The following DIP2C variants were observed in gnomAD, a reference collection of about 807,000 sequenced individuals.
DIP2C encodes DIP2 acetate--CoA ligase C (putative), also known as disco-interacting protein 2 homolog C.
In DIP2C, 33 loss-of-function variants were observed where a neutral mutation model predicts 192.4. The observed-to-expected ratio is 0.17, with a 90% CI of 0.13 to 0.23. The LOEUF is 0.23. Among genes scored for constraint, DIP2C ranks in the 10% least tolerant of loss-of-function variants. The pLI, the probability that DIP2C is intolerant of heterozygous loss-of-function variation, is 1.00. For synonymous variants in DIP2C, 979 were observed against 864.1 expected (o/e 1.13, Z -2.33); for missense variants, 1,537 against 2,110.1 (o/e 0.73, Z 5.32).
chr10:674,469 T>C (rs1289293297), intron 1 of DIP2C, among the ~76,000 whole-genome samples: 3 of 151,980 alleles, frequency 2.0e-5, no homozygotes, highest in Non-Finnish European at 4.4e-5. Flanking sequence ...AAGCAAATAT[T>C]AGTAGATCTA....
At chr10:586,276 T>C (rs1425022882) in intron 1 of DIP2C, among the ~76,000 whole-genome samples, 1 of 152,234 alleles carries the variant, frequency 6.6e-6, no homozygotes, top group Non-Finnish European at 1.5e-5. Context: ...AGCCTGAATG[T>C]CCTTTCAGGG....
At chr10:530,652 T>TCA (rs1847310596) in intron 1 of DIP2C, among the ~76,000 whole-genome samples, 1 of 54,360 alleles carries the variant, frequency 1.8e-5, no homozygotes. Context: ...ACCCTATCTC[T>TCA]TAAAAAAAAA....
chr10:298,948 G>C (rs1247870185), intron 32 of DIP2C, among the ~76,000 whole-genome samples: 2 of 152,212 alleles, frequency 1.3e-5, no homozygotes, highest in African/African-American at 4.8e-5. Context: ...AGTAAGACTA[G>C]AAAGACTTGA....
intron 1 of DIP2C, among the ~76,000 whole-genome samples, chr10:523,429 GGCTCTGTGTCACCCACAC>G: frequency 3.1e-5 from 4 of 129,408 alleles, no homozygotes; most frequent in Admixed American, 1.5e-4. Context: ...AAGATGCAGG[GGCTCTGTGTCACCCACAC>G]ACTCGTTTCT....
chr10:486,181 A>AT (rs1409049215), intron 2 of DIP2C, among the ~76,000 whole-genome samples: 1 of 152,242 alleles, frequency 6.6e-6, no homozygotes, highest in East Asian at 1.9e-4. Context: ...ATGCACTCAT[A>AT]TTTTTACGAT....
At chr10:677,057 T>C (rs1250311104) in intron 1 of DIP2C, among the ~76,000 whole-genome samples, 2 of 152,190 alleles carry the variant, frequency 1.3e-5, no homozygotes, top group Non-Finnish European at 2.9e-5. Flanking sequence ...CCCATAGATA[T>C]GTACTATAAT....
At chr10:556,132 C>T (rs1194319048) in intron 1 of DIP2C, among the ~76,000 whole-genome samples, 1 of 137,732 alleles carries the variant, frequency 7.3e-6, no homozygotes, top group Non-Finnish European at 1.6e-5. Flanking sequence ...CACCCACCCC[C>T]TTCCACAGCC....
At chr10:411,966 A>AT (rs1295292518) in intron 8 of DIP2C, among the ~76,000 whole-genome samples, 1 of 152,252 alleles carries the variant, frequency 6.6e-6, no homozygotes, top group Non-Finnish European at 1.5e-5. Context: ...AAAATGGATA[A>AT]TTAAAATACA....
At chr10:355,708 A>G (rs1005757333) in intron 24 of DIP2C, among the ~76,000 whole-genome samples, 1 of 152,226 alleles carries the variant, frequency 6.6e-6, no homozygotes, top group African/African-American at 2.4e-5. Flanking sequence ...TAAAGTGTAA[A>G]CAGGAAATTT....
intron 3 of DIP2C, among the ~76,000 whole-genome samples, chr10:459,897 G>A (rs756386024): frequency 6.9e-6 from 1 of 144,382 alleles, no homozygotes; most frequent in Non-Finnish European, 1.5e-5. Flanking sequence ...CTGCACGTGA[G>A]CTCTAGGACC....
chr10:338,275 T>TA (rs1957966872), intron 29 of DIP2C, among the ~76,000 whole-genome samples: 2 of 152,230 alleles, frequency 1.3e-5, no homozygotes, highest in South Asian at 4.1e-4. Context: ...AAACTTGGCG[T>TA]AGCCAAAGTG....
rs368553202 is a variant in DIP2C, at chr10:452,749, C to T, written c.269-11753G>A. Reference sequence around the variant, plus strand: ...CTCCTGCAGAGAAAACACCACACACCGCTACTGAGGAGGTCTCTTATGACA... The same window carrying T: ...CTCCTGCAGAGAAAACACCACACACTGCTACTGAGGAGGTCTCTTATGACA... On this transcript the variant is annotated intron_variant, in intron 3 of 36. Coordinates refer to ENST00000280886, the MANE Select transcript of DIP2C (RefSeq NM_014974.3). 7.2e-5 allele frequency among the ~76,000 whole-genome samples: 11 copies of T among 152,156 alleles called. No homozygotes were observed. In the East Asian group the frequency reaches 9.6e-4, roughly 13 times the overall value.
At chr10:602,999 A>G (rs1008352646) in intron 1 of DIP2C, among the ~76,000 whole-genome samples, 4 of 152,120 alleles carry the variant, frequency 2.6e-5, no homozygotes, top group Non-Finnish European at 5.9e-5. Context: ...TGTTAGCTCC[A>G]TAGAAATTAG....
intron 1 of DIP2C, among the ~76,000 whole-genome samples, chr10:608,184 C>A (rs1433478083): frequency 1.9e-5 from 1 of 52,418 alleles, no homozygotes; most frequent in Non-Finnish European, 3.0e-5. Context: ...ACACACACCC[C>A]ACACACACAG....
At chr10:546,542 A>C (rs1848296497) in intron 1 of DIP2C, among the ~76,000 whole-genome samples, 1 of 152,218 alleles carries the variant, frequency 6.6e-6, no homozygotes, top group Non-Finnish European at 1.5e-5. Context: ...GTTAGGAAGA[A>C]GTATTTTTCA....
intron 1 of DIP2C, among the ~76,000 whole-genome samples, chr10:568,690 C>T (rs549682913): frequency 8.1e-5 from 11 of 135,628 alleles, no homozygotes; most frequent in Non-Finnish European, 1.2e-4. Flanking sequence ...GGCGTGAACC[C>T]GGGAGGCGGA....
intron 1 of DIP2C, among the ~76,000 whole-genome samples, chr10:658,033 TTGGACCTGTCCC>T (rs1856500676): frequency 4.7e-4 from 20 of 42,326 alleles, no homozygotes; most frequent in African/African-American, 7.5e-4. Flanking sequence ...GGACCTGCCC[TTGGACCTGTCCC>T]TGGACCTGTC....
At chr10:301,274 A>G (rs925375459) in intron 32 of DIP2C, among the ~76,000 whole-genome samples, 3 of 152,174 alleles carry the variant, frequency 2.0e-5, no homozygotes, top group African/African-American at 7.2e-5. Context: ...TTGTTTTTAG[A>G]CAGCATTTAT....
intron 31 of DIP2C, among the ~76,000 whole-genome samples, chr10:313,382 CCA>C (rs1956640756): frequency 6.6e-6 from 1 of 152,162 alleles, no homozygotes; most frequent in Non-Finnish European, 1.5e-5. Flanking sequence ...ACATTAAAAT[CCA>C]GTTATATAAT....
Sources: allele counts gnomAD v4.1 joint callset (sites outside exome capture counted in the v4.1 genomes callset), GRCh38; gene constraint gnomAD v4.1.1; transcripts MANE v1.5; gene names NCBI Gene and HGNC (gene_info 2026-07-23, HGNC 2026-07-21).